Variants in ZDHHC15 observed in about 807,000 individuals in gnomAD.
ZDHHC15 encodes the protein zDHHC palmitoyltransferase 15.
A neutral mutation model predicts 31.7 loss-of-function variants in ZDHHC15; 19 were observed. That is an observed-to-expected ratio of 0.60 (90% CI 0.42 to 0.88). ZDHHC15 has a LOEUF of 0.88. Among genes scored for constraint, ZDHHC15 ranks in the 40% least tolerant of loss-of-function variants. The probability of loss-of-function intolerance (pLI) is 0.00; values close to 1 mark genes in which losing one functional copy is unlikely to be tolerated. For missense variants in ZDHHC15, 209 were observed against 251.2 expected (o/e 0.83, Z 1.14); for synonymous variants, 103 against 90.0 (o/e 1.14, Z -0.82).
At chrX:75,516,443 C>T (rs1337240371) in intron 1 of ZDHHC15, among the ~76,000 whole-genome samples, 1 of 112,166 alleles carries the variant, frequency 8.9e-6, no homozygotes, top group African/African-American at 3.2e-5. Flanking sequence ...ATATCTATAA[C>T]CATCTGCTCT....
At chrX:75,504,865 T>C (rs1465954916) in intron 2 of ZDHHC15, among the ~76,000 whole-genome samples, 2 of 112,099 alleles carry the variant, frequency 1.8e-5, no homozygotes, top group Non-Finnish European at 3.8e-5. Context: ...GATTCACCAG[T>C]ACCTTCTGTT....
intron 4 of ZDHHC15, among the ~76,000 whole-genome samples, chrX:75,445,523 T>C (rs2084021875): frequency 8.9e-6 from 1 of 112,071 alleles, no homozygotes; most frequent in East Asian, 2.8e-4. Flanking sequence ...AAGAAACAGA[T>C]GAGTTCAGGA....
intron 10 of ZDHHC15, among the ~76,000 whole-genome samples, chrX:75,389,028 A>G (rs946385908): frequency 9.0e-6 from 1 of 111,714 alleles, no homozygotes; most frequent in Non-Finnish European, 1.9e-5. Context: ...CATGGTATGG[A>G]GACAGACTCT....
rs1019724478 is a variant in ZDHHC15 at position 75,424,561 on chromosome X, T to C, written c.736+91A>G. ...TAGAGGGATGTCACTGCAGCTAAAATGCTTCACTGGAAGTTTTAATTGGGA... is the reference window on the plus strand; with the variant it reads ...TAGAGGGATGTCACTGCAGCTAAAACGCTTCACTGGAAGTTTTAATTGGGA... On this transcript the variant is annotated intron_variant, in intron 8 of 11. Transcript: ENST00000373367. 17 of 954,285 alleles carry C rather than the reference T, an allele frequency of 1.8e-5. No homozygotes were observed. In the African/African-American group the frequency reaches 2.6e-4, roughly 15 times the overall value. The allele number at this position is 954,285 out of a possible 1,213,427, so 78.6% of individuals were successfully genotyped here.
At chrX:75,395,790 C>T (rs2083293429) in intron 10 of ZDHHC15, among the ~76,000 whole-genome samples, 1 of 111,369 alleles carries the variant, frequency 9.0e-6, no homozygotes. Context: ...GACTGCAAAG[C>T]AGAATGGAAC....
chrX:75,462,273 T>C (rs1015889405), intron 3 of ZDHHC15, among the ~76,000 whole-genome samples: 2 of 111,774 alleles, frequency 1.8e-5, no homozygotes, highest in African/African-American at 6.5e-5. Flanking sequence ...ATATTCATAA[T>C]GCAAGTTCTT....
At chrX:75,499,949 C>T (rs1180584405) in intron 2 of ZDHHC15, among the ~76,000 whole-genome samples, 2 of 111,693 alleles carry the variant, frequency 1.8e-5, no homozygotes, top group Non-Finnish European at 3.8e-5. Context: ...TGGAATAATA[C>T]TTAGCCATTA....
chrX:75,439,621 T>G (rs1440029377), intron 4 of ZDHHC15, among the ~76,000 whole-genome samples: 1 of 112,087 alleles, frequency 8.9e-6, no homozygotes, highest in Non-Finnish European at 1.9e-5. Flanking sequence ...CTCTGATCCC[T>G]CCTTGAACAG....
chrX:75,377,458 T>C (rs947280730), intron 11 of ZDHHC15, among the ~76,000 whole-genome samples: 1 of 108,597 alleles, frequency 9.2e-6, no homozygotes, highest in Non-Finnish European at 1.9e-5. Flanking sequence ...ATCACTCCAC[T>C]GCACTCCAAC....
intron 3 of ZDHHC15, among the ~76,000 whole-genome samples, chrX:75,456,819 G>A (rs1305469934): frequency 1.8e-5 from 2 of 111,278 alleles, no homozygotes; most frequent in African/African-American, 3.3e-5. Flanking sequence ...TAACAGCAAC[G>A]GGTGTCTCCC....
At chrX:75,486,030 C>A (rs924692656) in intron 2 of ZDHHC15, among the ~76,000 whole-genome samples, 1 of 107,480 alleles carries the variant, frequency 9.3e-6, no homozygotes, top group African/African-American at 3.6e-5. Flanking sequence ...CAAGAACATA[C>A]AAGGAAAACC....
intron 3 of ZDHHC15, among the ~76,000 whole-genome samples, chrX:75,459,516 C>G (rs766638644): frequency 9.0e-6 from 1 of 111,536 alleles, no homozygotes; most frequent in South Asian, 3.8e-4. Flanking sequence ...GAAGGACCCC[C>G]CAACAGTGAA....
intron 10 of ZDHHC15, among the ~76,000 whole-genome samples, chrX:75,399,394 G>C (rs2083331984): frequency 1.8e-5 from 2 of 111,821 alleles, no homozygotes; most frequent in Non-Finnish European, 3.8e-5. Flanking sequence ...AGCTGTAGTT[G>C]ACCCAAGGAG....
At chrX:75,479,014 A>T in intron 2 of ZDHHC15, 29 bp from the exon 3 acceptor site, 1 of 1,010,217 alleles carries the variant, frequency 9.9e-7, no homozygotes, top group Non-Finnish European at 1.3e-6. Context: ...CAGTGTTTAT[A>T]CTATCTTTTT....
intron 1 of ZDHHC15, among the ~76,000 whole-genome samples, chrX:75,516,739 A>C (rs2085363842): frequency 8.9e-6 from 1 of 112,236 alleles, no homozygotes; most frequent in African/African-American, 3.2e-5. Context: ...GACAAATGGG[A>C]TCTAATTAAA....
chrX:75,497,400 G>A (rs1320888720), intron 2 of ZDHHC15, among the ~76,000 whole-genome samples: 3 of 111,731 alleles, frequency 2.7e-5, no homozygotes, highest in African/African-American at 9.7e-5. Flanking sequence ...AATTCTATCA[G>A]ACATTCGAAG....
At chrX:75,377,605 T>A (rs1329138271) in intron 11 of ZDHHC15, among the ~76,000 whole-genome samples, 1 of 111,154 alleles carries the variant, frequency 9.0e-6, no homozygotes, top group African/African-American at 3.3e-5. Flanking sequence ...AGGCATTGCT[T>A]GAAGGCAATT....
At chrX:75,494,299 G>C (rs1253457362) in intron 2 of ZDHHC15, among the ~76,000 whole-genome samples, 3 of 111,485 alleles carry the variant, frequency 2.7e-5, no homozygotes, top group African/African-American at 6.5e-5. Flanking sequence ...CAAACAAATG[G>C]AAGAACATTC....
At chrX:75,521,838 G>A (rs1325391702) in intron 1 of ZDHHC15, among the ~76,000 whole-genome samples, 3 of 111,601 alleles carry the variant, frequency 2.7e-5, no homozygotes, top group Non-Finnish European at 5.6e-5. Context: ...AGAATGTGGG[G>A]CTAAAAGTGA....
Sources: gnomAD v4.1 joint callset for allele counts (sites outside exome capture counted in the v4.1 genomes callset) on GRCh38, gnomAD v4.1.1 for gene constraint, MANE v1.5 for transcripts, NCBI Gene and HGNC (gene_info 2026-07-23, HGNC 2026-07-21) for gene names.